Variants in COCH observed in about 807,000 individuals in gnomAD.
COCH encodes the protein cochlin, also known as coagulation factor C homolog, cochlin (Limulus polyphemus).
Under a neutral mutation model 54.8 loss-of-function variants are expected in COCH, and 40 were observed. The observed-to-expected ratio is 0.73, with a 90% CI of 0.57 to 0.95. The LOEUF (loss-of-function observed/expected upper bound fraction) is 0.95, where lower values mean the gene tolerates loss of function less well. Ranked by LOEUF, COCH falls within the 40% of genes least tolerant of loss-of-function variation. The pLI, the probability that COCH is intolerant of heterozygous loss-of-function variation, is 0.00. For synonymous variants in COCH, 256 were observed against 237.9 expected, an observed-to-expected ratio of 1.08 and a Z score of -0.70; for missense variants, 605 against 675.0, an observed-to-expected ratio of 0.90 and a Z score of 1.15.
intron 10 of COCH, 79 bp downstream of exon 10, chr14:30,885,699 T>G (rs1895764106): frequency 3.3e-6 from 5 of 1,519,594 alleles, no homozygotes; most frequent in Admixed American, 1.7e-5. Flanking sequence ...TGACTGCCTC[T>G]TATCTAGATT....
chr14:30,885,265 TG>T (rs1895743878), intron 9 of COCH, 128 bp from the exon 10 acceptor site: 2 of 972,108 alleles, frequency 2.1e-6, no homozygotes, highest in Non-Finnish European at 3.2e-6. Flanking sequence ...AATTCTTTTT[TG>T]TGTGCCCCGC....
chr14:30,877,477 G>A lies in COCH; in HGVS notation c.83-95G>A. 2 of 1,457,518 alleles carry A rather than the reference G, an allele frequency of 1.4e-6. No individual in the cohort carries two copies. Among genetic ancestry groups the A allele is most frequent in the African/African-American group, 2.8e-5 (2 of 72,008 alleles). 90.3% of individuals were successfully genotyped at this position (1,457,518 alleles called of 1,614,324 possible). Reference sequence around the variant, plus strand: ...GTCATAACTAGAAGTGTAGAAATTAGGGAAGTAAAACTTAAATCTCACACT... The same window carrying A: ...GTCATAACTAGAAGTGTAGAAATTAAGGAAGTAAAACTTAAATCTCACACT... On this transcript the variant is annotated intron_variant, in intron 3 of 11. Coordinates refer to ENST00000396618, the MANE Select transcript of COCH (RefSeq NM_004086.3). The surrounding 1 kb of genome is among the most constrained non-coding windows in gnomAD (Gnocchi z 8.6).
downstream of COCH, among the ~76,000 whole-genome samples, chr14:30,893,098 T>C (rs925871721): frequency 6.6e-6 from 1 of 151,230 alleles, no homozygotes; most frequent in Non-Finnish European, 1.5e-5. Flanking sequence ...GGTGCAAAAG[T>C]AATTGCCATT....
downstream of COCH, chr14:30,894,907 T>A (rs922712833): frequency 2.8e-6 from 3 of 1,082,186 alleles, no homozygotes; most frequent in African/African-American, 3.4e-5. Flanking sequence ...TTTTTTTTTT[T>A]TAAAGCAAAA....
downstream of COCH, among the ~76,000 whole-genome samples, chr14:30,891,791 C>T (rs1895988159): frequency 6.6e-6 from 1 of 152,058 alleles, no homozygotes; most frequent in Admixed American, 6.6e-5. Flanking sequence ...CTGAAGTAAC[C>T]AGGGAATAGC....
At position 30,889,716 on chromosome 14, in the gene COCH, G is replaced by A; in HGVS notation, c.1578G>A (p.Glu526=). The change falls in exon 12 of 12, where the codon GAG becomes GAA. Residue 526 remains glutamate, a synonymous_variant. Coordinates refer to ENST00000396618, the MANE Select transcript of COCH (RefSeq NM_004086.3). ...PKESHAFFTR[E]FTGLEPIVSD... is the part of the protein sequence containing the mutation. ...AGTCTCATGCTTTCTTCACAAGAGA[G>A]TTCACAGGATTAGAACCAATTGTTT... 1 of 1,614,104 alleles carries A rather than the reference G, an allele frequency of 6.2e-7. No homozygotes were observed. Among genetic ancestry groups the A allele is most frequent in the Non-Finnish European group, 8.5e-7 (1 of 1,179,956 alleles).
In COCH at chr14:30,877,764, A is replaced by C; in HGVS notation, c.239+36A>C. 1.2e-6 allele frequency: 2 copies of C among 1,613,576 alleles called. No homozygotes were observed. Among genetic ancestry groups the C allele is most frequent in the Non-Finnish European group, 1.7e-6 (2 of 1,179,968 alleles). On this transcript the variant is annotated intron_variant, in intron 4 of 11. Coordinates refer to ENST00000396618, the MANE Select transcript of COCH (RefSeq NM_004086.3). This position sits in a 1 kb window ranked among gnomAD's most constrained non-coding sequence, Gnocchi z 8.6. ...ACACACCAGGGTGGGAGAGAAATGC[A>C]GACGTGATTATTTCCTTTCCTGCTT...
rs772860814 is a variant in COCH at position 30,875,038 on chromosome 14, ACGCTTCTCTCTT to A, written c.35-14_35-3del. 2.5e-6 allele frequency: 4 copies of A among 1,612,238 alleles called. No homozygotes were observed. Among genetic ancestry groups the A allele is most frequent in the Non-Finnish European group, 3.4e-6 (4 of 1,179,674 alleles). On this transcript the variant is annotated splice_region_variant and splice_polypyrimidine_tract_variant and intron_variant, in intron 2 of 11. Coordinates refer to ENST00000396618, the MANE Select transcript of COCH (RefSeq NM_004086.3). ...TGGGTGGAGGCTGGAGCCAGCCCTCACGCTTCTCTCTTCGCAGGTGTGTGTCTGCTGCTGCTG... is the reference window on the plus strand; with the variant it reads ...TGGGTGGAGGCTGGAGCCAGCCCTCACGCAGGTGTGTGTCTGCTGCTGCTG...
intron 9 of COCH, chr14:30,885,001 G>T: frequency 1.9e-6 from 3 of 1,598,414 alleles, no homozygotes; most frequent in Non-Finnish European, 2.5e-6. Context: ...CAGAAAGAAT[G>T]AGTAGCACTA....
Position 30,885,468 on chromosome 14 carries a change from G to GT in COCH, c.809dup (p.Val271GlyfsTer5). ...AGTAAGAAAAGGGATCCCCAAAGTG[G>GT]TGGTGGTATTTATTGATGGTTGGCC... On this transcript the variant is annotated frameshift_variant, in exon 10 of 12. Transcript: ENST00000396618. LOFTEE classifies it high-confidence loss of function. 2 of 1,614,138 alleles carry GT rather than the reference G, an allele frequency of 1.2e-6. No homozygotes were observed. The highest frequency in any genetic ancestry group is 1.7e-6 in the Non-Finnish European group (2 of 1,179,980).
chr14:30,874,678 G>C (rs1011026634), intron 1 of COCH, 87 bp downstream of exon 1: 5 of 593,054 alleles, frequency 8.4e-6, no homozygotes, highest in East Asian at 2.8e-5. Context: ...CCTGTCTGTC[G>C]TCGTTTTGGC....
rs1895544674 is a variant in COCH at position 30,880,649 on chromosome 14, A to G, written c.544A>G (p.Asn182Asp). The G allele has an allele frequency of 4.3e-6, 7 of 1,614,156 alleles. No homozygotes were observed. The highest frequency in any genetic ancestry group is 1.6e-4 in the Middle Eastern group (1 of 6,062). Residue 182 changes from asparagine to aspartate, a missense_variant, in exon 8 of 12, where the codon AAT becomes GAT. Transcript: ENST00000396618. ...GSFNIGQRRF[N>D]LQKNFVGKVA... ...CTTTAATATTGGGCAGCGCCGATTT[A>G]ATTTACAGAAGAATTTTGTTGGAAA...
chr14:30,877,745 C>T lies in COCH; in HGVS notation c.239+17C>T. 1 of 1,614,074 alleles carries T rather than the reference C, an allele frequency of 6.2e-7. No individual in the cohort carries two copies. On this transcript the variant is annotated intron_variant, in intron 4 of 11. Coordinates refer to ENST00000396618, the MANE Select transcript of COCH (RefSeq NM_004086.3). The surrounding 1 kb of genome is among the most constrained non-coding windows in gnomAD (Gnocchi z 8.6). ...TGTCCACAGGTAAGCCCAAACACAC[C>T]AGGGTGGGAGAGAAATGCAGACGTG...
chr14:30,890,501 G>GGTAAA lies in COCH; in HGVS notation c.*714_*718dup. The GGTAAA allele has an allele frequency of 1.1e-6, 1 of 923,986 alleles. No homozygotes were observed. The highest frequency in any genetic ancestry group is 1.8e-5 in the African/African-American group (1 of 55,870). The allele number at this position is 923,986 out of a possible 1,614,324, so 57.2% of individuals were successfully genotyped here. A position where few individuals can be genotyped will look rare whatever the true frequency, so the allele number is the denominator to read the frequency against. On this transcript the variant is annotated 3_prime_UTR_variant, in exon 12 of 12. Coordinates refer to ENST00000396618, the MANE Select transcript of COCH (RefSeq NM_004086.3). ...CACCTAAGTACTTAAAAGTTAAGTT[G>GGTAAA]GTAAAGTATTTACTGACTGCTTATA...
At position 30,877,586 on chromosome 14, in the gene COCH, A is replaced by G; in HGVS notation, c.97A>G (p.Thr33Ala). The G allele has an allele frequency of 1.2e-6, 2 of 1,614,176 alleles. No homozygotes were observed. The highest frequency in any genetic ancestry group is 8.5e-7 in the Non-Finnish European group (1 of 1,180,032). ...TTTTTCTTCAGCTCCCATTGCTATC[A>G]CATGTTTTACCAGAGGCTTGGACAT... ...GSEGAAPIAI[T>A]CFTRGLDIRK... The change falls in exon 4 of 12, where the codon ACA (threonine) becomes GCA (alanine). Residue 33 changes from threonine to alanine, a missense_variant. Coordinates refer to ENST00000396618, the MANE Select transcript of COCH (RefSeq NM_004086.3). This position sits in a 1 kb window ranked among gnomAD's most constrained non-coding sequence, Gnocchi z 8.6.
chr14:30,877,849 A>G lies in COCH; in HGVS notation c.239+121A>G. The G allele has an allele frequency of 6.6e-7, 1 of 1,512,436 alleles. No individual in the cohort carries two copies. Among genetic ancestry groups the G allele is most frequent in the South Asian group, 1.2e-5 (1 of 84,702 alleles). The allele number at this position is 1,512,436 out of a possible 1,614,324, so 93.7% of individuals were successfully genotyped here. A position where few individuals can be genotyped will look rare whatever the true frequency, so the allele number is the denominator to read the frequency against. On this transcript the variant is annotated intron_variant, in intron 4 of 11. Coordinates refer to ENST00000396618, the MANE Select transcript of COCH (RefSeq NM_004086.3). This position sits in a 1 kb window ranked among gnomAD's most constrained non-coding sequence, Gnocchi z 8.6. ...TCTTTTGTTGCCATTGTGGCCACAG[A>G]AAATGGATATATTTTCACGGTTCTC... is the stretch of plus-strand genomic sequence containing the variant.
chr14:30,880,667 G>T lies in COCH; in HGVS notation c.562G>T (p.Val188Phe). Residue 188 changes from valine to phenylalanine, a missense_variant, in exon 8 of 12, where the codon GTT becomes TTT. Physicochemically the swap from Val to Phe is conservative, Grantham distance 50. Transcript: ENST00000396618. Reference sequence around the variant, plus strand: ...CCGATTTAATTTACAGAAGAATTTTGTTGGAAAAGTGGCTCTAATGTTGGG... The same window carrying T: ...CCGATTTAATTTACAGAAGAATTTTTTTGGAAAAGTGGCTCTAATGTTGGG... ...QRRFNLQKNFVGKVALMLGIG... is the reference protein window; with the variant it reads ...QRRFNLQKNFFGKVALMLGIG... 3 of 1,614,048 alleles carry T rather than the reference G, an allele frequency of 1.9e-6. No homozygotes were observed. Among genetic ancestry groups the T allele is most frequent in the Non-Finnish European group, 1.7e-6 (2 of 1,179,978 alleles).
intron 6 of COCH, 146 bp downstream of exon 6, chr14:30,879,631 A>G (rs906749153): frequency 6.4e-6 from 5 of 780,180 alleles, no homozygotes; most frequent in Admixed American, 4.0e-5. Flanking sequence ...GGTATATTAC[A>G]TATGGAAACA....
rs368636828 is a variant in COCH, at chr14:30,878,795, T to C, written c.240-16T>C. The C allele has an allele frequency of 1.2e-4, 197 of 1,614,058 alleles. No homozygotes were observed. Among genetic ancestry groups the C allele is most frequent in the Non-Finnish European group, 1.6e-4 (192 of 1,180,048 alleles). The stretch of plus-strand genomic sequence containing the variant: ...AAAGTGTGGATAGCATCTCAGCTGC[T>C]ATTCTTGTGTTACAGGGGAGTAATC... On this transcript the variant is annotated splice_polypyrimidine_tract_variant and intron_variant, in intron 4 of 11. Transcript: ENST00000396618.
Sources: allele counts gnomAD v4.1 joint callset (sites outside exome capture counted in the v4.1 genomes callset), GRCh38; gene constraint gnomAD v4.1.1; non-coding constraint Gnocchi (gnomAD v3.1); transcripts MANE v1.5; gene names NCBI Gene and HGNC (gene_info 2026-07-23, HGNC 2026-07-21).